GRIFIN: variants seen among roughly 807,000 people sequenced by gnomAD.
GRIFIN encodes the protein putative grifin.
In GRIFIN, 22 loss-of-function variants were observed where a neutral mutation model predicts 18.2. That is an observed-to-expected ratio of 1.21 (90% CI 0.86 to 1.73). GRIFIN has a LOEUF of 1.73. Ranked by LOEUF, GRIFIN falls within the 40% of genes most tolerant of loss-of-function variation. The probability of loss-of-function intolerance (pLI) is 0.00; values close to 1 mark genes in which losing one functional copy is unlikely to be tolerated. For missense variants in GRIFIN, 200 were observed against 190.1 expected (o/e 1.05, Z -0.31); for synonymous variants, 101 against 82.8 (o/e 1.22, Z -1.19).
At chr7:2,476,222 G>A in intron 1 of GRIFIN, 150 bp downstream of exon 1, 1 of 1,023,598 alleles carries the variant, frequency 9.8e-7, no homozygotes, top group Non-Finnish European at 1.4e-6. Context: ...GCCAGCTCTG[G>A]GGGGACCTTC....
chr7:2,475,353 T>C, intron 3 of GRIFIN, 46 bp from the exon 4 acceptor site: 2 of 1,551,094 alleles, frequency 1.3e-6, no homozygotes, highest in South Asian at 1.2e-5. Context: ...CCCCAGGGCC[T>C]GGGGTCTGGT....
At chr7:2,475,341 G>A (rs547135504) in intron 3 of GRIFIN, 34 bp from the exon 4 acceptor site, 1 of 1,564,830 alleles carries the variant, frequency 6.4e-7, no homozygotes, top group Admixed American at 1.8e-5. Context: ...CTCAGTGCCA[G>A]CCCCCAGGGC....
intron 4 of GRIFIN, 39 bp downstream of exon 4, chr7:2,475,102 A>G (rs1165206914): frequency 1.3e-6 from 2 of 1,542,158 alleles, no homozygotes; most frequent in Non-Finnish European, 1.7e-6. Context: ...AGTGTGGGGC[A>G]GGAATGGGCA....
In GRIFIN at chr7:2,475,872, C is replaced by G. The variant is rs1778955305; in HGVS notation, c.93-44G>C. On this transcript the variant is annotated intron_variant, in intron 2 of 4. Transcript: ENST00000614228. ...GGGTCAAGAGCTGCAAAGAGCTGGGCCGGCCACCCAGCCCAAGGCCCAGCG... is the reference window on the plus strand; with the variant it reads ...GGGTCAAGAGCTGCAAAGAGCTGGGGCGGCCACCCAGCCCAAGGCCCAGCG... 5.0e-6 allele frequency: 8 copies of G among 1,586,766 alleles called. No individual in the cohort carries two copies. The South Asian group carries it at 8.9e-5, about 18-fold the overall frequency.
intron 1 of GRIFIN, 45 bp from the exon 2 acceptor site, chr7:2,476,044 T>A (rs770511613): frequency 1.3e-6 from 2 of 1,506,968 alleles, no homozygotes; most frequent in South Asian, 2.3e-5. Flanking sequence ...GGCTGCAGCC[T>A]CCTCCCTCCC....
Position 2,476,334 on chromosome 7 carries a change from G to T in GRIFIN, c.12+38C>A, listed in dbSNP as rs936494463. 3.9e-6 allele frequency: 6 copies of T among 1,557,854 alleles called. No homozygotes were observed. The African/African-American group carries it at 5.4e-5, about 14-fold the overall frequency. On this transcript the variant is annotated intron_variant, in intron 1 of 4. Coordinates refer to ENST00000614228, the MANE Select transcript of GRIFIN (RefSeq NM_001394787.1). ...GGTGGCTCAGGGAGCCCCCAGCCCTGCACCGTTCTCCTTCTCCAGGTCCAG... is the reference window on the plus strand; with the variant it reads ...GGTGGCTCAGGGAGCCCCCAGCCCTTCACCGTTCTCCTTCTCCAGGTCCAG...
At chr7:2,474,911 A>G in intron 4 of GRIFIN, 26 bp from the exon 5 acceptor site, 1 of 585,494 alleles carries the variant, frequency 1.7e-6, no homozygotes. Context: ...GCACGTCCCT[A>G]GCTCCTGCCC....
At position 2,474,750 on chromosome 7, in the gene GRIFIN, G is replaced by A; in HGVS notation, c.*120C>T. On this transcript the variant is annotated 3_prime_UTR_variant, in exon 5 of 5. Coordinates refer to ENST00000614228, the MANE Select transcript of GRIFIN (RefSeq NM_001394787.1). Reference sequence around the variant, plus strand: ...TGCAGCCTTCTCAGAGTTTATTGAAGGTGGAGCTGCGAGGAGCACACAGGA... The same window carrying A: ...TGCAGCCTTCTCAGAGTTTATTGAAAGTGGAGCTGCGAGGAGCACACAGGA... 2.4e-6 allele frequency: 1 copy of A among 413,842 alleles called. No individual in the cohort carries two copies. The highest frequency in any genetic ancestry group is 4.3e-6 in the Non-Finnish European group (1 of 234,920). The allele number at this position is 413,842 out of a possible 1,614,324, so 25.6% of individuals were successfully genotyped here.
At chr7:2,476,323 C>T (rs1778962644) in intron 1 of GRIFIN, 49 bp downstream of exon 1, 2 of 1,544,580 alleles carry the variant, frequency 1.3e-6, no homozygotes, top group East Asian at 4.8e-5. Context: ...GCTCAGGGAG[C>T]CCCCAGCCCT....
In GRIFIN at chr7:2,475,095, G is replaced by T. The variant is rs556861233; in HGVS notation, c.419+46C>A. ...CAAAATCCCTGCTGGGGTGGGCAGTGTGGGGCAGGAATGGGCAGGGACCTG... is the reference window on the plus strand; with the variant it reads ...CAAAATCCCTGCTGGGGTGGGCAGTTTGGGGCAGGAATGGGCAGGGACCTG... On this transcript the variant is annotated intron_variant, in intron 4 of 4. Transcript: ENST00000614228. The T allele has an allele frequency of 2.3e-5, 36 of 1,534,804 alleles. 1 individual carries two copies. In the South Asian group the frequency reaches 4.1e-4, roughly 18 times the overall value.
intron 3 of GRIFIN, 137 bp downstream of exon 3, chr7:2,475,532 G>A: frequency 9.1e-7 from 1 of 1,093,798 alleles, no homozygotes; most frequent in East Asian, 3.0e-5. Flanking sequence ...TAGGGAAACT[G>A]AGGCCAGGGA....
intron 4 of GRIFIN, 88 bp downstream of exon 4, chr7:2,475,053 C>A: frequency 6.9e-7 from 1 of 1,440,068 alleles, no homozygotes; most frequent in African/African-American, 1.4e-5. Context: ...GGAGGGTCCC[C>A]GGATCAGGGT....
At chr7:2,476,244 C>G (rs1258619404) in intron 1 of GRIFIN, 128 bp downstream of exon 1, 6 of 1,219,954 alleles carry the variant, frequency 4.9e-6, no homozygotes, top group Non-Finnish European at 1.1e-6. Flanking sequence ...CCCTGACGCC[C>G]TCTCAGCCCT....
At chr7:2,475,049 T>A in intron 4 of GRIFIN, 92 bp downstream of exon 4, 3 of 1,414,524 alleles carry the variant, frequency 2.1e-6, no homozygotes, top group Non-Finnish European at 2.8e-6. Context: ...CGGAGGAGGG[T>A]CCCCGGATCA....
rs552562266 is a variant in GRIFIN, at chr7:2,475,830, T to G, written c.93-2A>C. ...TCCAACAAGAAGTTAGTCTCGAACCTGGGGCGGACATGGTGCGGGTCAAGA... is the reference window on the plus strand; with the variant it reads ...TCCAACAAGAAGTTAGTCTCGAACCGGGGGCGGACATGGTGCGGGTCAAGA... On this transcript the variant is annotated splice_acceptor_variant, in intron 2 of 4. Coordinates refer to ENST00000614228, the MANE Select transcript of GRIFIN (RefSeq NM_001394787.1). LOFTEE classifies it high-confidence loss of function. The G allele has an allele frequency of 1.5e-4, 237 of 1,575,076 alleles. 3 individuals carry two copies. In the East Asian group the frequency reaches 5.3e-3, roughly 35 times the overall value.
intron 1 of GRIFIN, 84 bp downstream of exon 1, chr7:2,476,288 T>C: frequency 6.9e-7 from 1 of 1,448,876 alleles, no homozygotes; most frequent in Non-Finnish European, 9.4e-7. Context: ...CCATACCCCA[T>C]CTCTGTGCAG....
At chr7:2,476,337 C>A in intron 1 of GRIFIN, 35 bp downstream of exon 1, 2 of 1,561,928 alleles carry the variant, frequency 1.3e-6, no homozygotes, top group Non-Finnish European at 1.7e-6. Flanking sequence ...CAGCCCTGCA[C>A]CGTTCTCCTT....
chr7:2,475,746 T>A lies in GRIFIN; in HGVS notation c.175A>T (p.Asn59Tyr), dbSNP rs560950549. ...PRFSSATVVG[N>Y]AFQYGRWGPE... ...CCCCAGCGGCCGTACTGGAAGGCAT[T>A]GCCCACCACAGTGGCGCTGGAGAAC... Residue 59 changes from asparagine (N) to tyrosine (Y), a missense_variant, in exon 3 of 5, where the codon AAT becomes TAT. Coordinates refer to ENST00000614228, the MANE Select transcript of GRIFIN (RefSeq NM_001394787.1). The A allele has an allele frequency of 6.4e-7, 1 of 1,566,056 alleles. No homozygotes were observed. The highest frequency in any genetic ancestry group is 8.6e-7 in the Non-Finnish European group (1 of 1,160,672).
chr7:2,475,209 G>T lies in GRIFIN; in HGVS notation c.351C>A (p.Thr117=). ...PCRQRPLGAT[T]RVRVLSDHCL... ...AGTGGTCACTCAGCACGCGCACCCT[G>T]GTGGTGGCGCCCAGCGGCCTCTGAC... The change falls in exon 4 of 5, where the codon ACC becomes ACA. Residue 117 remains threonine (T), a synonymous_variant. Coordinates refer to ENST00000614228, the MANE Select transcript of GRIFIN (RefSeq NM_001394787.1). The T allele has an allele frequency of 1.9e-6, 3 of 1,596,062 alleles. No homozygotes were observed. The highest frequency in any genetic ancestry group is 2.5e-6 in the Non-Finnish European group (3 of 1,178,600).
Sources: allele counts gnomAD v4.1 joint callset, GRCh38; gene constraint gnomAD v4.1.1; transcripts MANE v1.5; gene names NCBI Gene and HGNC (gene_info 2026-07-23, HGNC 2026-07-21).